NRG3: variants seen among roughly 807,000 people sequenced by gnomAD.
NRG3 encodes the protein neuregulin 3.
A neutral mutation model predicts 66.9 loss-of-function variants in NRG3; 31 were observed. The ratio of observed to expected loss-of-function variants is 0.46; its 90% CI spans 0.35 to 0.63. The LOEUF (loss-of-function observed/expected upper bound fraction) is 0.63, where lower values mean the gene tolerates loss of function less well. Ranked by LOEUF, NRG3 falls within the 20% of genes least tolerant of loss-of-function variation. The pLI, the probability that NRG3 is intolerant of heterozygous loss-of-function variation, is 0.00. For missense variants in NRG3, 910 were observed against 878.9 expected (o/e 1.04, Z -0.45); for synonymous variants, 393 against 359.4 (o/e 1.09, Z -1.06).
chr10:82,278,463 A>G (rs1354585784), intron 1 of NRG3, among the ~76,000 whole-genome samples: 1 of 152,026 alleles, frequency 6.6e-6, no homozygotes, highest in Non-Finnish European at 1.5e-5. Context: ...ACTCTCTCAG[A>G]CTGTCTTCCC....
At chr10:82,373,408 A>T (rs2085015506) in intron 2 of NRG3, among the ~76,000 whole-genome samples, 1 of 152,204 alleles carries the variant, frequency 6.6e-6, no homozygotes, top group African/African-American at 2.4e-5. Flanking sequence ...GGAGAGACAA[A>T]GGCAATGCCA....
chr10:82,593,220 G>A (rs1209894034), intron 2 of NRG3, among the ~76,000 whole-genome samples: 1 of 152,138 alleles, frequency 6.6e-6, no homozygotes, highest in African/African-American at 2.4e-5. Flanking sequence ...GAACATATAA[G>A]GGGGAAGTTC....
At chr10:82,790,566 A>G (rs2060545903) in intron 3 of NRG3, among the ~76,000 whole-genome samples, 1 of 151,978 alleles carries the variant, frequency 6.6e-6, no homozygotes, top group Non-Finnish European at 1.5e-5. Flanking sequence ...CTTTTAGTTT[A>G]TCTTACTTGG....
chr10:81,890,406 G>A (rs1842924324), intron 1 of NRG3, among the ~76,000 whole-genome samples: 1 of 152,124 alleles, frequency 6.6e-6, no homozygotes, highest in Non-Finnish European at 1.5e-5. Flanking sequence ...AACAATTTAA[G>A]TATTTTATTT....
intron 1 of NRG3, among the ~76,000 whole-genome samples, chr10:81,941,145 T>C (rs1162978375): frequency 6.6e-6 from 1 of 152,158 alleles, no homozygotes; most frequent in Non-Finnish European, 1.5e-5. Flanking sequence ...ATTAACAGCA[T>C]GCACAAGAGA....
intron 2 of NRG3, among the ~76,000 whole-genome samples, chr10:82,511,642 T>C (rs1030251737): frequency 2.6e-5 from 4 of 152,026 alleles, no homozygotes; most frequent in Non-Finnish European, 5.9e-5. Context: ...GGAAATAATA[T>C]AGTCAATAAG....
At position 82,064,000 on chromosome 10, in the gene NRG3, T is replaced by C. The variant is rs868757955; in HGVS notation, c.823+187837T>C. Among the ~76,000 whole-genome samples the C allele has an allele frequency of 9.2e-5, 14 of 152,240 alleles. No individual in the cohort carries two copies. In the South Asian group the frequency reaches 1.0e-3, roughly 11 times the overall value. The stretch of plus-strand genomic sequence containing the variant: ...TCTGAAAGGAATCTTCTGCCTCTTA[T>C]CATGATCCAGTCTTGTATTTTTTCT... On this transcript the variant is annotated intron_variant, in intron 1 of 8. Transcript: ENST00000372141.
intron 1 of NRG3, among the ~76,000 whole-genome samples, chr10:82,190,053 T>G (rs995003283): frequency 6.6e-6 from 1 of 152,142 alleles, no homozygotes; most frequent in Non-Finnish European, 1.5e-5. Flanking sequence ...GGCATGCAGT[T>G]CAGAACGGGG....
intron 1 of NRG3, among the ~76,000 whole-genome samples, chr10:82,102,353 T>C (rs527539559): frequency 6.6e-6 from 1 of 151,044 alleles, no homozygotes; most frequent in African/African-American, 2.4e-5. Context: ...CATGTTATTA[T>C]ATTTAAAGTG....
intron 3 of NRG3, among the ~76,000 whole-genome samples, chr10:82,819,762 G>T (rs1565349414): frequency 6.6e-6 from 1 of 152,156 alleles, no homozygotes; most frequent in Non-Finnish European, 1.5e-5. Flanking sequence ...AGAAGGTTAT[G>T]TAAGACCTTA....
rs536952515 is a variant in NRG3, at chr10:82,878,737, A to G, written c.1054+13300A>G. Among the ~76,000 whole-genome samples, 4 of 152,362 alleles carry G rather than the reference A, an allele frequency of 2.6e-5. No individual in the cohort carries two copies. In the South Asian group the frequency reaches 8.3e-4, roughly 32 times the overall value. ...TCTCATCAGCAAAGGGAATCACATT[A>G]TAATTTAATTTGGATTACATATAAC... On this transcript the variant is annotated intron_variant, in intron 4 of 8. Coordinates refer to ENST00000372141, the MANE Select transcript of NRG3 (RefSeq NM_001010848.4).
At chr10:82,326,521 T>A (rs1215958184) in intron 1 of NRG3, among the ~76,000 whole-genome samples, 1 of 152,126 alleles carries the variant, frequency 6.6e-6, no homozygotes, top group African/African-American at 2.4e-5. Context: ...GAACTCTACT[T>A]CTACATATGT....
chr10:81,915,804 GTGATAATTGTTC>G (rs1353305065), intron 1 of NRG3, among the ~76,000 whole-genome samples: 12 of 152,008 alleles, frequency 7.9e-5, no homozygotes, highest in Non-Finnish European at 1.2e-4. Flanking sequence ...CATGATAATG[GTGATAATTGTTC>G]TGTCCTCTGG....
chr10:82,920,197 A>G (rs1846288468), intron 4 of NRG3, among the ~76,000 whole-genome samples: 1 of 149,656 alleles, frequency 6.7e-6, no homozygotes, highest in Non-Finnish European at 1.5e-5. Context: ...CTAGTTGATA[A>G]AGTACTGTAC....
intron 1 of NRG3, among the ~76,000 whole-genome samples, chr10:82,189,345 G>A (rs777742818): frequency 6.6e-6 from 1 of 152,076 alleles, no homozygotes; most frequent in Non-Finnish European, 1.5e-5. Context: ...TAATAAATGT[G>A]TGTGTTGTTA....
intron 2 of NRG3, among the ~76,000 whole-genome samples, chr10:82,601,040 C>T (rs1393962428): frequency 2.0e-5 from 3 of 152,122 alleles, no homozygotes; most frequent in East Asian, 1.9e-4. Context: ...CAAGAACACA[C>T]ACTATTTGGT....
In NRG3 at chr10:81,979,961, A is replaced by C. The variant is rs2060273789; in HGVS notation, c.823+103798A>C. On this transcript the variant is annotated intron_variant, in intron 1 of 8. Coordinates refer to ENST00000372141, the MANE Select transcript of NRG3 (RefSeq NM_001010848.4). ...ACAAAAAATCAAGAAGACCACAGGT[A>C]AACATAGGCCAAAGGGTTAACCAAC... is the stretch of plus-strand genomic sequence containing the variant. 2.6e-5 allele frequency among the ~76,000 whole-genome samples: 4 copies of C among 152,350 alleles called. No homozygotes were observed. In the South Asian group the frequency reaches 6.2e-4, roughly 24 times the overall value.
At chr10:82,355,880 C>T (rs1486705085) in intron 1 of NRG3, among the ~76,000 whole-genome samples, 3 of 152,012 alleles carry the variant, frequency 2.0e-5, no homozygotes, top group Admixed American at 2.0e-4. Flanking sequence ...AATGATCATA[C>T]CCAATATTTT....
chr10:82,277,347 A>G (rs1384005498), intron 1 of NRG3, among the ~76,000 whole-genome samples: 2 of 152,110 alleles, frequency 1.3e-5, no homozygotes, highest in Non-Finnish European at 2.9e-5. Flanking sequence ...CCCAGTTCAG[A>G]TAATTCTCTT....
Sources: gnomAD v4.1 joint callset for allele counts (sites outside exome capture counted in the v4.1 genomes callset) on GRCh38, gnomAD v4.1.1 for gene constraint, MANE v1.5 for transcripts, NCBI Gene and HGNC (gene_info 2026-07-23, HGNC 2026-07-21) for gene names.